KCNIP4: variants seen among roughly 807,000 people sequenced by gnomAD.
KCNIP4 encodes the protein potassium voltage-gated channel interacting protein 4, also known as Kv channel-interacting protein 4.
Under a neutral mutation model 34.0 loss-of-function variants are expected in KCNIP4, and 12 were observed. The observed-to-expected ratio is 0.35, with a 90% CI of 0.23 to 0.57. The LOEUF (loss-of-function observed/expected upper bound fraction) is 0.57. Ranked by LOEUF, KCNIP4 falls within the 20% of genes least tolerant of loss-of-function variation. The probability of loss-of-function intolerance (pLI) is 0.83; values close to 1 mark genes in which losing one functional copy is unlikely to be tolerated. For missense variants in KCNIP4, 238 were observed against 311.7 expected, an observed-to-expected ratio of 0.76 and a Z score of 1.78; for synonymous variants, 124 against 102.2, an observed-to-expected ratio of 1.21 and a Z score of -1.29.
intron 1 of KCNIP4, among the ~76,000 whole-genome samples, chr4:21,343,925 G>C (rs536692916): frequency 3.9e-5 from 6 of 152,160 alleles, no homozygotes; most frequent in African/African-American, 1.4e-4. Flanking sequence ...TAGATGCTAT[G>C]AGACCCATTT....
intron 1 of KCNIP4, chr4:21,847,422 C>A (rs1296306035): frequency 3.9e-5 from 6 of 151,994 alleles, no homozygotes; most frequent in African/African-American, 1.4e-4. Context: ...TGAAAAAAAA[C>A]ACACATTTTC....
At chr4:20,824,158 G>T (rs917932688) in intron 3 of KCNIP4, among the ~76,000 whole-genome samples, 1 of 152,170 alleles carries the variant, frequency 6.6e-6, no homozygotes, top group Non-Finnish European at 1.5e-5. Context: ...TATGTGATGT[G>T]CCTAAGTGTC....
rs1741291358 is a variant in KCNIP4 at position 21,034,576 on chromosome 4, T to C, written c.62-151867A>G. Among the ~76,000 whole-genome samples, 3 of 152,054 alleles carry C rather than the reference T, an allele frequency of 2.0e-5. 1 individual carries two copies. The South Asian group carries it at 6.2e-4, about 32-fold the overall frequency. ...GCCTGTGATACTTCCCAAAGTTGAG[T>C]TCTGGGTGACTGGGGACAGCCTGAG... is the stretch of plus-strand genomic sequence containing the variant. On this transcript the variant is annotated intron_variant, in intron 1 of 8. Coordinates refer to ENST00000382152, the MANE Select transcript of KCNIP4 (RefSeq NM_025221.6).
intron 1 of KCNIP4, among the ~76,000 whole-genome samples, chr4:21,143,510 C>T (rs773887637): frequency 2.8e-4 from 43 of 152,052 alleles, no homozygotes; most frequent in Non-Finnish European, 5.7e-4. Flanking sequence ...AGCCCAGCAA[C>T]ACCTTGATTT....
At chr4:20,864,142 A>G (rs1364566464) in intron 2 of KCNIP4, among the ~76,000 whole-genome samples, 21 of 150,950 alleles carry the variant, frequency 1.4e-4, no homozygotes, top group Non-Finnish European at 3.0e-4. Context: ...GTATGTATAC[A>G]TATCCATGTA....
At position 20,734,927 on chromosome 4, in the gene KCNIP4, T is replaced by A. The variant is rs916951427; in HGVS notation, c.430-192A>T. ...TCACTCCTTAGTCTTAACATTTTCA[T>A]ATTCTAATTGGAAACTGAGTTAAAT... On this transcript the variant is annotated intron_variant, in intron 5 of 8. Coordinates refer to ENST00000382152, the MANE Select transcript of KCNIP4 (RefSeq NM_025221.6). Among the ~76,000 whole-genome samples the A allele has an allele frequency of 5.9e-5, 9 of 152,318 alleles. No individual in the cohort carries two copies. In the South Asian group the frequency reaches 1.0e-3, roughly 18 times the overall value.
At chr4:21,471,353 C>T (rs1730454479) in intron 1 of KCNIP4, among the ~76,000 whole-genome samples, 1 of 152,054 alleles carries the variant, frequency 6.6e-6, no homozygotes, top group African/African-American at 2.4e-5. Flanking sequence ...AGTACTAATT[C>T]CCAGAGTCCT....
At chr4:21,246,701 T>G (rs150255299) in intron 1 of KCNIP4, among the ~76,000 whole-genome samples, 1 of 152,120 alleles carries the variant, frequency 6.6e-6, no homozygotes, top group East Asian at 1.9e-4. Flanking sequence ...ATAAAGATGC[T>G]GGGCCCACAG....
intron 1 of KCNIP4, among the ~76,000 whole-genome samples, chr4:21,082,830 G>A (rs1354639007): frequency 1.3e-5 from 2 of 151,578 alleles, no homozygotes; most frequent in African/African-American, 4.9e-5. Context: ...ACTATGTGGT[G>A]CTCCAAACTA....
At chr4:21,868,884 G>A (rs957055351) in intron 1 of KCNIP4, among the ~76,000 whole-genome samples, 11 of 152,110 alleles carry the variant, frequency 7.2e-5, no homozygotes, top group Admixed American at 2.0e-4. Context: ...ATATTTACAC[G>A]ACAGGTTGAT....
intron 3 of KCNIP4, chr4:20,767,279 G>A (rs1331652985): frequency 6.6e-6 from 1 of 152,120 alleles, no homozygotes; most frequent in African/African-American, 2.4e-5. Context: ...AATATCATCA[G>A]AATTTACCCT....
chr4:21,336,625 T>C lies in KCNIP4; in HGVS notation c.62-453916A>G, dbSNP rs138958566. ...GAATATACCTCTGTGCTTGGTTCTG[T>C]GTGGAATGCAAAACATGATATAGTG... is the stretch of plus-strand genomic sequence containing the variant. On this transcript the variant is annotated intron_variant, in intron 1 of 8. Transcript: ENST00000382152. Among the ~76,000 whole-genome samples the C allele has an allele frequency of 6.8e-3, 1,035 of 152,174 alleles. 15 individuals carry two copies. Among genetic ancestry groups the C allele is most frequent in the African/African-American group, 0.024 (982 of 41,520 alleles).
intron 1 of KCNIP4, among the ~76,000 whole-genome samples, chr4:21,134,836 A>G (rs13121781): frequency 0.53 from 80,346 of 152,102 alleles, 21,822 homozygotes; most frequent in African/African-American, 0.64. Flanking sequence ...GTGAGTCAAC[A>G]CAGAGCTCCA....
intron 1 of KCNIP4, among the ~76,000 whole-genome samples, chr4:21,400,514 T>TCTTCTCTTCTCTTCTCTTCTCTTCC (rs1560369162): frequency 9.1e-5 from 3 of 33,094 alleles, no homozygotes; most frequent in African/African-American, 3.8e-4. Context: ...CCTCCCTTCC[T>TCTTCTCTTCTCTTCTCTTCTCTTCC]CTTCTCTTCT....
chr4:20,877,225 A>C (rs1724142683), intron 2 of KCNIP4, among the ~76,000 whole-genome samples: 1 of 152,116 alleles, frequency 6.6e-6, no homozygotes, highest in African/African-American at 2.4e-5. Context: ...GCCCTTTTTT[A>C]TTGTTACAGC....
At chr4:21,057,126 T>G (rs1743478271) in intron 1 of KCNIP4, among the ~76,000 whole-genome samples, 1 of 152,130 alleles carries the variant, frequency 6.6e-6, no homozygotes, top group Non-Finnish European at 1.5e-5. Context: ...AAATTGTAAA[T>G]GTAGGAGTAT....
At chr4:21,901,845 C>CTACA (rs1421388234) in intron 1 of KCNIP4, among the ~76,000 whole-genome samples, 1 of 152,060 alleles carries the variant, frequency 6.6e-6, no homozygotes, top group Non-Finnish European at 1.5e-5. Flanking sequence ...GTTGAAAAAT[C>CTACA]TGGGGAAGTT....
intron 1 of KCNIP4, among the ~76,000 whole-genome samples, chr4:21,109,598 GCTGCACCCACTGTC>G (rs1404678437): frequency 1.3e-5 from 2 of 152,288 alleles, no homozygotes; most frequent in Middle Eastern, 3.4e-3. Flanking sequence ...CGCATGGTGC[GCTGCACCCACTGTC>G]CTGCACCCAC....
At chr4:20,765,558 T>C (rs1181021937) in intron 3 of KCNIP4, among the ~76,000 whole-genome samples, 2 of 152,214 alleles carry the variant, frequency 1.3e-5, no homozygotes, top group Non-Finnish European at 2.9e-5. Context: ...TGCCACATAC[T>C]CTTTACTGTC....
Sources: gnomAD v4.1 joint callset for allele counts (sites outside exome capture counted in the v4.1 genomes callset) on GRCh38, gnomAD v4.1.1 for gene constraint, MANE v1.5 for transcripts, NCBI Gene and HGNC (gene_info 2026-07-23, HGNC 2026-07-21) for gene names.